The following CEP128 variants were observed in gnomAD, a reference collection of about 807,000 sequenced individuals.
CEP128 encodes centrosomal protein 128kDa.
Under a neutral mutation model 156.7 loss-of-function variants are expected in CEP128, and 132 were observed. The observed-to-expected ratio is 0.84, with a 90% CI of 0.73 to 0.97. The LOEUF (loss-of-function observed/expected upper bound fraction) is 0.97. Ranked by LOEUF, CEP128 falls within the 50% of genes least tolerant of loss-of-function variation. CEP128 has a pLI of 0.00. For synonymous variants in CEP128, 469 were observed against 448.9 expected (o/e 1.04, Z -0.57); for missense variants, 1,252 against 1,281.9 (o/e 0.98, Z 0.36).
At chr14:80,778,794 T>TA (rs1900941939) in intron 15 of CEP128, among the ~76,000 whole-genome samples, 2 of 152,224 alleles carry the variant, frequency 1.3e-5, no homozygotes, top group South Asian at 2.1e-4. Flanking sequence ...TATGTGAACT[T>TA]AAAGAATTTT....
chr14:80,711,834 A>G (rs1171067162), intron 19 of CEP128, among the ~76,000 whole-genome samples: 2 of 152,136 alleles, frequency 1.3e-5, no homozygotes, highest in East Asian at 3.9e-4. Context: ...ATAAATATAT[A>G]CACCTACTAT....
At chr14:80,483,709 C>A (rs1438536856) in intron 14 of CEP128, among the ~76,000 whole-genome samples, 1 of 152,200 alleles carries the variant, frequency 6.6e-6, no homozygotes, top group Admixed American at 6.5e-5. Context: ...TATTGTATGT[C>A]AGCCACAGTA....
chr14:80,725,775 A>G (rs1220378161), intron 19 of CEP128, among the ~76,000 whole-genome samples: 1 of 152,210 alleles, frequency 6.6e-6, no homozygotes, highest in Non-Finnish European at 1.5e-5. Flanking sequence ...CAAACTCTTA[A>G]ATAACATTAA....
intron 15 of CEP128, among the ~76,000 whole-genome samples, chr14:80,783,738 T>C (rs1277595909): frequency 6.6e-6 from 1 of 152,194 alleles, no homozygotes; most frequent in Non-Finnish European, 1.5e-5. Context: ...GTTCTTACAC[T>C]TGATAGCATT....
At chr14:80,722,245 T>C (rs1299006326) in intron 19 of CEP128, among the ~76,000 whole-genome samples, 1 of 152,176 alleles carries the variant, frequency 6.6e-6, no homozygotes, top group Non-Finnish European at 1.5e-5. Context: ...ATAGTGTCAC[T>C]ACTGAGAAAC....
intron 5 of CEP128, chr14:80,905,671 T>C: frequency 3.6e-6 from 1 of 277,040 alleles, no homozygotes; most frequent in East Asian, 1.0e-4. Flanking sequence ...AGCGAATTTA[T>C]GTATTTGTTT....
chr14:80,819,887 T>C (rs1321030081), intron 13 of CEP128, among the ~76,000 whole-genome samples: 2 of 152,122 alleles, frequency 1.3e-5, no homozygotes, highest in Non-Finnish European at 2.9e-5. Flanking sequence ...AAATACTGAA[T>C]AATTTTTTTC....
rs1899690467 is a variant in CEP128 at position 80,756,880 on chromosome 14, A to G, written c.2613+12T>C. 6.5e-7 allele frequency: 1 copy of G among 1,535,678 alleles called. No homozygotes were observed. Among genetic ancestry groups the G allele is most frequent in the African/African-American group, 1.4e-5 (1 of 73,060 alleles). ...AATATTACAATAACTTTAGGATTTAAAGATTAATTACCTTGCTTTCTGCTA... is the reference window on the plus strand; with the variant it reads ...AATATTACAATAACTTTAGGATTTAGAGATTAATTACCTTGCTTTCTGCTA... On this transcript the variant is annotated intron_variant, in intron 18 of 24. Coordinates refer to ENST00000555265, the MANE Select transcript of CEP128 (RefSeq NM_152446.5).
At chr14:80,792,672 T>C (rs1901772685) in intron 14 of CEP128, 88 bp downstream of exon 14, 1 of 977,440 alleles carries the variant, frequency 1.0e-6, no homozygotes, top group African/African-American at 1.6e-5. Context: ...ATATGTACAG[T>C]ATGGCACTCA....
chr14:80,743,237 T>C lies in CEP128; in HGVS notation c.2644A>G (p.Lys882Glu). ...TTTTTCTCTCTGTTTTCTCTCTCTT[T>C]CAGTTCCTCACAGAGCCACTGAAGT... ...TKLQWLCEEL[K>E]ERENREKNLR... is the part of the protein sequence containing the mutation. The change falls in exon 19 of 25, where the codon AAA (lysine) becomes GAA (glutamate). Residue 882 changes from lysine (K) to glutamate (E), a missense_variant. By Grantham distance (56) the Lys-to-Glu change is moderately conservative. Transcript: ENST00000555265. 6.2e-7 allele frequency: 1 copy of C among 1,613,294 alleles called. No individual in the cohort carries two copies. Among genetic ancestry groups the C allele is most frequent in the Non-Finnish European group, 8.5e-7 (1 of 1,179,628 alleles).
At chr14:80,932,505 C>G (rs375080169) in intron 2 of CEP128, among the ~76,000 whole-genome samples, 1 of 152,160 alleles carries the variant, frequency 6.6e-6, no homozygotes, top group Non-Finnish European at 1.5e-5. Flanking sequence ...CACCAAAAAG[C>G]CTGCTTCCAT....
downstream of CEP128, among the ~76,000 whole-genome samples, chr14:80,494,527 T>C (rs773573261): frequency 2.0e-5 from 3 of 152,190 alleles, no homozygotes; most frequent in Non-Finnish European, 4.4e-5. Context: ...TCTCCTTATA[T>C]GTAAGAATTT....
chr14:80,894,685 C>T (rs749496725), intron 8 of CEP128: 8 of 385,756 alleles, frequency 2.1e-5, no homozygotes, highest in South Asian at 7.9e-5. Flanking sequence ...AAACTTAATA[C>T]CAAAAACACA....
chr14:80,590,469 C>T (rs1024248857), intron 19 of CEP128, among the ~76,000 whole-genome samples: 14 of 151,726 alleles, frequency 9.2e-5, no homozygotes, highest in Admixed American at 7.9e-4. Context: ...TGCTAAAAAA[C>T]AAAACTGACA....
rs796162989 is a variant in CEP128 at position 80,908,967 on chromosome 14, T to G, written c.235-2886A>C. ...TACTATCACCCTTTGGGGTCTCCATTAAAGCTAAAGGGTTCCTGAACTCCA... is the reference window on the plus strand; with the variant it reads ...TACTATCACCCTTTGGGGTCTCCATGAAAGCTAAAGGGTTCCTGAACTCCA... On this transcript the variant is annotated intron_variant, in intron 4 of 24. Transcript: ENST00000555265. Among the ~76,000 whole-genome samples, 6 of 140,382 alleles carry G rather than the reference T, an allele frequency of 4.3e-5. No homozygotes were observed. In the South Asian group the frequency reaches 1.5e-3, roughly 35 times the overall value. 92.1% of individuals were successfully genotyped at this position (140,382 alleles called of 152,430 possible). A position where few individuals can be genotyped will look rare whatever the true frequency, so the allele number is the denominator to read the frequency against.
chr14:80,831,786 C>T (rs1885815681), intron 12 of CEP128, among the ~76,000 whole-genome samples: 1 of 152,120 alleles, frequency 6.6e-6, no homozygotes, highest in Non-Finnish European at 1.5e-5. Context: ...TATCATTTAA[C>T]AATATAAATT....
At chr14:80,580,734 C>T (rs954215021) in intron 19 of CEP128, among the ~76,000 whole-genome samples, 4 of 152,078 alleles carry the variant, frequency 2.6e-5, no homozygotes, top group Non-Finnish European at 5.9e-5. Context: ...AGAATTTGGT[C>T]TCATGCTTAT....
At chr14:80,836,514 C>T (rs999291146) in intron 11 of CEP128, among the ~76,000 whole-genome samples, 177 bp from the exon 12 acceptor site, 5 of 152,120 alleles carry the variant, frequency 3.3e-5, no homozygotes, top group Non-Finnish European at 7.4e-5. Flanking sequence ...AAATGAATGG[C>T]TTTTCCTTCT....
At chr14:80,788,288 C>CTTTTTTTTTT (rs10628361) in intron 14 of CEP128, among the ~76,000 whole-genome samples, 46 of 97,236 alleles carry the variant, frequency 4.7e-4, no homozygotes, top group African/African-American at 5.9e-4. Flanking sequence ...TGGCCAGGAT[C>CTTTTTTTTTT]TTTTTTTTTT....
Sources: allele counts gnomAD v4.1 joint callset (sites outside exome capture counted in the v4.1 genomes callset), GRCh38; gene constraint gnomAD v4.1.1; transcripts MANE v1.5; gene names NCBI Gene and HGNC (gene_info 2026-07-23, HGNC 2026-07-21).